The following OLAH variants were observed in gnomAD, a reference collection of about 807,000 sequenced individuals.
OLAH encodes the protein S-acyl fatty acid synthase thioesterase, medium chain.
Under a neutral mutation model 27.8 loss-of-function variants are expected in OLAH, and 33 were observed. The ratio of observed to expected loss-of-function variants is 1.19; its 90% CI spans 0.90 to 1.59. OLAH has a LOEUF of 1.59. OLAH is among the 40% of genes most tolerant of loss of function. The pLI is 0.00. For missense variants in OLAH, 359 were observed against 310.8 expected (o/e 1.16, Z -1.17); for synonymous variants, 120 against 102.9 (o/e 1.17, Z -1.01).
At position 15,049,819 on chromosome 10, in the gene OLAH, T is replaced by C. The variant is rs561777124; in HGVS notation, c.163+54T>C. 2.8e-5 allele frequency: 43 copies of C among 1,531,594 alleles called. No individual in the cohort carries two copies. In the Middle Eastern group the frequency reaches 1.0e-3, roughly 36 times the overall value. The allele number at this position is 1,531,594 out of a possible 1,614,324, so 94.9% of individuals were successfully genotyped here. Reference sequence around the variant, plus strand: ...AATTTAAAAGGGCAGATGACATAAATGTATTAGAATTTGAAGTTTGGTCAA... The same window carrying C: ...AATTTAAAAGGGCAGATGACATAAACGTATTAGAATTTGAAGTTTGGTCAA... On this transcript the variant is annotated intron_variant, in intron 3 of 7. Transcript: ENST00000378228.
rs1422769846 is a variant in OLAH, at chr10:15,064,507, G to A, written c.402+5G>A. On this transcript the variant is annotated splice_donor_5th_base_variant and intron_variant, in intron 5 of 7. Transcript: ENST00000378228. ...TCAAGTGCAACTCCTGTACATGTAAGTAATTTAGCTTTTTCCTAGGAAGGG... is the reference window on the plus strand; with the variant it reads ...TCAAGTGCAACTCCTGTACATGTAAATAATTTAGCTTTTTCCTAGGAAGGG... The A allele has an allele frequency of 1.9e-6, 3 of 1,542,940 alleles. No individual in the cohort carries two copies. The highest frequency in any genetic ancestry group is 2.8e-5 in the African/African-American group (2 of 71,372).
At chr10:15,045,097 C>T (rs1263475301) in intron 1 of OLAH, among the ~76,000 whole-genome samples, 2 of 152,262 alleles carry the variant, frequency 1.3e-5, no homozygotes, top group Admixed American at 6.5e-5. Flanking sequence ...AGGAGAGAGT[C>T]ACTGTTATTC....
chr10:15,054,480 G>T (rs183639851), intron 3 of OLAH, among the ~76,000 whole-genome samples: 31 of 152,258 alleles, frequency 2.0e-4, no homozygotes, highest in Admixed American at 3.3e-4. Flanking sequence ...GAGCCATTAC[G>T]ATTCGCTGCT....
intron 3 of OLAH, among the ~76,000 whole-genome samples, chr10:15,058,920 T>TTCCC (rs1844299139): frequency 4.4e-5 from 6 of 136,124 alleles, no homozygotes; most frequent in Admixed American, 1.5e-4. Context: ...ATTTCTCCCC[T>TTCCC]TCCTTCCCTC....
chr10:15,033,300 CTGAA>C (rs2131321068), intron 1 of OLAH, among the ~76,000 whole-genome samples: 1 of 152,216 alleles, frequency 6.6e-6, no homozygotes, highest in African/African-American at 2.4e-5. Flanking sequence ...TCTGGACTGA[CTGAA>C]TTGAGATAAA....
At chr10:15,057,798 C>A (rs576040079) in intron 3 of OLAH, among the ~76,000 whole-genome samples, 39 of 152,108 alleles carry the variant, frequency 2.6e-4, no homozygotes, top group Non-Finnish European at 4.9e-4. Flanking sequence ...TTCCTTGATG[C>A]CTTCATGGAA....
At chr10:15,037,514 G>A (rs9664023) in intron 1 of OLAH, among the ~76,000 whole-genome samples, 36,634 of 151,242 alleles carry the variant, frequency 0.24, 4,811 homozygotes, top group African/African-American at 0.34. Context: ...CTGGAAGGCG[G>A]AGGTTGCGGT....
chr10:15,059,240 G>A (rs973986403), intron 3 of OLAH, among the ~76,000 whole-genome samples: 1 of 142,928 alleles, frequency 7.0e-6, no homozygotes, highest in East Asian at 2.1e-4. Context: ...CAGCTTCAGT[G>A]CAGTGGCACA....
At chr10:15,039,358 A>G (rs1018139389), upstream of OLAH, among the ~76,000 whole-genome samples, 1 of 151,564 alleles carries the variant, frequency 6.6e-6, no homozygotes, top group Non-Finnish European at 1.5e-5. Context: ...CAGGTAGATC[A>G]CCTGAGGTCA....
intron 3 of OLAH, among the ~76,000 whole-genome samples, chr10:15,060,837 T>C (rs569909951): frequency 1.3e-5 from 2 of 152,300 alleles, no homozygotes; most frequent in South Asian, 4.1e-4. Context: ...TTAGACATTG[T>C]GAGTTTTACA....
upstream of OLAH, among the ~76,000 whole-genome samples, chr10:15,043,222 A>C (rs1219728878): frequency 6.6e-6 from 1 of 151,850 alleles, no homozygotes; most frequent in African/African-American, 2.4e-5. Context: ...TAATCTTCAA[A>C]ATAGGGGACA....
chr10:15,034,082 A>G (rs1307381215), intron 1 of OLAH, among the ~76,000 whole-genome samples: 1 of 148,942 alleles, frequency 6.7e-6, no homozygotes, highest in Non-Finnish European at 1.5e-5. Context: ...AACCTCCTAG[A>G]GGAAAGGGCA....
chr10:15,054,787 T>C (rs992588248), intron 3 of OLAH, among the ~76,000 whole-genome samples: 1 of 152,222 alleles, frequency 6.6e-6, no homozygotes, highest in African/African-American at 2.4e-5. Context: ...TTTTTGTCTT[T>C]TTAATCCATT....
chr10:15,034,509 A>G (rs1843810600), intron 1 of OLAH, among the ~76,000 whole-genome samples: 1 of 152,236 alleles, frequency 6.6e-6, no homozygotes, highest in Non-Finnish European at 1.5e-5. Context: ...GAAAGGAAAT[A>G]CAATGAAGAA....
At chr10:15,073,065 A>G in intron 7 of OLAH, 22 bp from the exon 8 acceptor site, 1 of 1,609,286 alleles carries the variant, frequency 6.2e-7, no homozygotes, top group Non-Finnish European at 8.5e-7. Context: ...TTGTTATTGA[A>G]TACAATCTTG....
exon 1 of OLAH, chr10:15,032,270 T>C (rs754467183): frequency 1.3e-5 from 2 of 152,068 alleles, no homozygotes; most frequent in Non-Finnish European, 2.9e-5. Context: ...AGACTCCAAT[T>C]TCTTCAGTTC....
chr10:15,057,818 T>C (rs1286970868), intron 3 of OLAH, among the ~76,000 whole-genome samples: 1 of 152,112 alleles, frequency 6.6e-6, no homozygotes, highest in Non-Finnish European at 1.5e-5. Context: ...AAAAAATGAG[T>C]ATCTGCGAGT....
chr10:15,049,575 T>C, intron 2 of OLAH, 60 bp from the exon 3 acceptor site: 1 of 1,059,860 alleles, frequency 9.4e-7, no homozygotes, highest in African/African-American at 1.6e-5. Context: ...CACAGGTAAT[T>C]CAGTATAGGG....
rs1360437025 is a variant in OLAH at position 15,073,215 on chromosome 10, A to T, written c.784A>T (p.Ile262Leu). 6.3e-7 allele frequency: 1 copy of T among 1,584,244 alleles called. No individual in the cohort carries two copies. Residue 262 changes from isoleucine to leucine, a missense_variant, in exon 8 of 8, where the codon ATA (isoleucine) becomes TTA (leucine). By Grantham distance (5) the Ile-to-Leu change is conservative. Transcript: ENST00000378228. ...AATCAAGTGTCTAGAAGTATCATCG[A>T]TATCCAATTTTTAGATATTTTCCCT... Reference protein sequence around the residue: ...YIIKCLEVSSISNF With the variant: ...YIIKCLEVSSLSNF
Sources: allele counts gnomAD v4.1 joint callset (sites outside exome capture counted in the v4.1 genomes callset), GRCh38; gene constraint gnomAD v4.1.1; transcripts MANE v1.5; gene names NCBI Gene and HGNC (gene_info 2026-07-23, HGNC 2026-07-21).